INPP4B: variants seen among roughly 807,000 people sequenced by gnomAD.
The protein encoded by INPP4B is inositol polyphosphate-4-phosphatase type II B.
In INPP4B, 55 loss-of-function variants were observed where a neutral mutation model predicts 122.5. That is an observed-to-expected ratio of 0.45 (90% CI 0.36 to 0.56). The LOEUF is 0.56. Among genes scored for constraint, INPP4B ranks in the 20% least tolerant of loss-of-function variants. The pLI is 0.00. For missense variants in INPP4B, 1,000 were observed against 1,097.7 expected, an observed-to-expected ratio of 0.91 and a Z score of 1.26; for synonymous variants, 403 against 388.7, an observed-to-expected ratio of 1.04 and a Z score of -0.43.
In INPP4B at chr4:142,792,882, A is replaced by G. The variant is rs190310676; in HGVS notation, c.-254+53327T>C. 2.9e-4 allele frequency among the ~76,000 whole-genome samples: 44 copies of G among 152,236 alleles called. No individual in the cohort carries two copies. The East Asian group carries it at 3.5e-3, about 12-fold the overall frequency. ...AGAAATGCAAGATAAAAAATTATCA[A>G]AAGTAGATCTCAAAATGGATTGGGC... is the stretch of plus-strand genomic sequence containing the variant. On this transcript the variant is annotated intron_variant, in intron 1 of 25. Transcript: ENST00000262992.
chr4:142,095,605 G>A (rs1578881241), intron 23 of INPP4B, among the ~76,000 whole-genome samples: 1 of 152,018 alleles, frequency 6.6e-6, no homozygotes, highest in East Asian at 1.9e-4. Context: ...ATGATTTCAG[G>A]AGCTCACCTA....
chr4:142,168,525 A>G (rs985783672), intron 16 of INPP4B, among the ~76,000 whole-genome samples: 1 of 151,620 alleles, frequency 6.6e-6, no homozygotes, highest in African/African-American at 2.4e-5. Flanking sequence ...GTAGACTAAG[A>G]GCAGCCTCTA....
intron 3 of INPP4B, among the ~76,000 whole-genome samples, chr4:142,460,252 G>A (rs1461764917): frequency 1.3e-5 from 2 of 152,298 alleles, no homozygotes; most frequent in Admixed American, 6.5e-5. Context: ...AACAAGTAAA[G>A]CAGCTGGGAT....
At chr4:142,662,270 G>A (rs1388821067) in intron 2 of INPP4B, among the ~76,000 whole-genome samples, 1 of 151,972 alleles carries the variant, frequency 6.6e-6, no homozygotes, top group Non-Finnish European at 1.5e-5. Context: ...GGTGGGAGAG[G>A]TTGAACAAAG....
chr4:142,336,869 T>A (rs1451122745), intron 7 of INPP4B, among the ~76,000 whole-genome samples: 1 of 152,174 alleles, frequency 6.6e-6, no homozygotes, highest in Non-Finnish European at 1.5e-5. Context: ...TAGAAAAAAA[T>A]GCAACTTGAT....
At chr4:142,218,388 G>A (rs929877444) in intron 12 of INPP4B, among the ~76,000 whole-genome samples, 4 of 152,208 alleles carry the variant, frequency 2.6e-5, no homozygotes, top group African/African-American at 4.8e-5. Context: ...GATATTGGAA[G>A]TGAGAACCAA....
intron 15 of INPP4B, among the ~76,000 whole-genome samples, chr4:142,189,211 G>C (rs1834626434): frequency 6.6e-6 from 1 of 152,160 alleles, no homozygotes; most frequent in African/African-American, 2.4e-5. Context: ...GTTGTTTGCA[G>C]TGGTCTGTGA....
chr4:142,159,311 G>C (rs1818850646), intron 17 of INPP4B, among the ~76,000 whole-genome samples: 1 of 151,158 alleles, frequency 6.6e-6, no homozygotes, highest in African/African-American at 2.4e-5. Context: ...AGAAATATTA[G>C]ATTTGCTCTT....
At chr4:142,035,613 T>C (rs184244549) in intron 25 of INPP4B, among the ~76,000 whole-genome samples, 1 of 152,208 alleles carries the variant, frequency 6.6e-6, no homozygotes, top group Admixed American at 6.5e-5. Flanking sequence ...CCAGCAGCAA[T>C]TGTTTATGTC....
chr4:142,181,431 CTG>C (rs1443101001), intron 15 of INPP4B, among the ~76,000 whole-genome samples: 1 of 152,094 alleles, frequency 6.6e-6, no homozygotes, highest in African/African-American at 2.4e-5. Context: ...ATAAATATAA[CTG>C]TATTTATCTG....
At chr4:142,786,808 T>C (rs1301753087) in intron 1 of INPP4B, among the ~76,000 whole-genome samples, 1 of 152,060 alleles carries the variant, frequency 6.6e-6, no homozygotes, top group Non-Finnish European at 1.5e-5. Flanking sequence ...TTGAGAGACA[T>C]ACTATAAAAT....
intron 7 of INPP4B, among the ~76,000 whole-genome samples, chr4:142,362,786 G>A (rs1404149227): frequency 2.2e-4 from 34 of 151,936 alleles, no homozygotes. Flanking sequence ...GCTAAGCATT[G>A]GGTATACACA....
At chr4:142,756,533 C>T (rs1301544164) in intron 1 of INPP4B, among the ~76,000 whole-genome samples, 2 of 152,042 alleles carry the variant, frequency 1.3e-5, no homozygotes, top group African/African-American at 2.4e-5. Flanking sequence ...GCTCCTCTTA[C>T]TCTACGGCAT....
chr4:142,712,590 GA>G (rs369756113), intron 2 of INPP4B, among the ~76,000 whole-genome samples: 2,388 of 151,064 alleles, frequency 0.016, 55 homozygotes, highest in African/African-American at 0.052. Flanking sequence ...TATATCGAAA[GA>G]AAAAAAAATT....
chr4:142,810,353 T>G (rs977882753), intron 1 of INPP4B, among the ~76,000 whole-genome samples: 1 of 152,124 alleles, frequency 6.6e-6, no homozygotes, highest in African/African-American at 2.4e-5. Flanking sequence ...AATTATAGAA[T>G]AGTATTCTTC....
chr4:142,195,841 C>T lies in INPP4B; in HGVS notation c.1073-2646G>A, dbSNP rs562157916. On this transcript the variant is annotated intron_variant, in intron 14 of 25. Coordinates refer to ENST00000262992, the MANE Select transcript of INPP4B (RefSeq NM_001101669.3). ...TTGACCACAAGCATATTTATAATTC[C>T]TTGTAGTGTCTTATACGAGGACTAT... 5.9e-5 allele frequency among the ~76,000 whole-genome samples: 9 copies of T among 152,290 alleles called. No homozygotes were observed. In the South Asian group the frequency reaches 1.7e-3, roughly 28 times the overall value.
At chr4:142,774,179 A>AT (rs1359536955) in intron 1 of INPP4B, among the ~76,000 whole-genome samples, 2 of 152,080 alleles carry the variant, frequency 1.3e-5, no homozygotes, top group African/African-American at 4.8e-5. Flanking sequence ...ATCAGAGAAA[A>AT]ACTTGCCATC....
chr4:142,585,997 CTA>C (rs945720089), intron 2 of INPP4B, among the ~76,000 whole-genome samples: 5 of 151,864 alleles, frequency 3.3e-5, no homozygotes, highest in African/African-American at 1.2e-4. Flanking sequence ...GGAGAAATAA[CTA>C]AACACTTTTC....
Position 142,028,476 on chromosome 4 carries a change from C to CAGAAACATTTAAATACTCATGAATGAA in INPP4B, c.*279_*305dup. 6.0e-6 allele frequency: 2 copies of CAGAAACATTTAAATACTCATGAATGAA among 331,050 alleles called. No homozygotes were observed. Among genetic ancestry groups the CAGAAACATTTAAATACTCATGAATGAA allele is most frequent in the South Asian group, 1.3e-4 (2 of 15,364 alleles). 20.5% of individuals were successfully genotyped at this position (331,050 alleles called of 1,614,324 possible). On this transcript the variant is annotated 3_prime_UTR_variant, in exon 26 of 26. Coordinates refer to ENST00000262992, the MANE Select transcript of INPP4B (RefSeq NM_001101669.3). Reference sequence around the variant, plus strand: ...CCTATTGAAATGATCCATGTTTCCTCAGAAACATTTAAATACTCATGAATG... The same window carrying CAGAAACATTTAAATACTCATGAATGAA: ...CCTATTGAAATGATCCATGTTTCCTCAGAAACATTTAAATACTCATGAATGAAAGAAACATTTAAATACTCATGAATG...
Sources: gnomAD v4.1 joint callset for allele counts (sites outside exome capture counted in the v4.1 genomes callset) on GRCh38, gnomAD v4.1.1 for gene constraint, MANE v1.5 for transcripts, NCBI Gene and HGNC (gene_info 2026-07-23, HGNC 2026-07-21) for gene names.